Variants in SSBP1 observed in about 807,000 individuals in gnomAD.
The protein encoded by SSBP1 is single stranded DNA binding protein 1, also known as single-stranded DNA-binding protein, mitochondrial.
SSBP1 carries 20 observed loss-of-function variants against 27.0 expected under a neutral mutation model. That is an observed-to-expected ratio of 0.74 (90% confidence interval 0.52 to 1.08). The LOEUF (loss-of-function observed/expected upper bound fraction) is 1.08, where lower values mean the gene tolerates loss of function less well. SSBP1 is among the 50% of genes least tolerant of loss of function. SSBP1 has a pLI of 0.00. For synonymous variants in SSBP1, 59 were observed against 59.3 expected (o/e 1.00, Z 0.02); for missense variants, 137 against 182.4 (o/e 0.75, Z 1.44).
At chr7:141,750,146 T>A (rs894695533) in intron 6 of SSBP1, among the ~76,000 whole-genome samples, 165 bp from the exon 7 acceptor site, 11 of 152,240 alleles carry the variant, frequency 7.2e-5, no homozygotes, top group African/African-American at 2.4e-5. Flanking sequence ...TTATGCCAAC[T>A]GTATATATAC....
chr7:141,740,645 T>C (rs577213341), intron 2 of SSBP1: 69 of 152,364 alleles, frequency 4.5e-4, no homozygotes, highest in African/African-American at 1.2e-3. Flanking sequence ...GCTGCTATTA[T>C]GTGGTAGTGA....
At chr7:141,745,720 A>T in intron 6 of SSBP1, 136 bp downstream of exon 6, 1 of 1,402,500 alleles carries the variant, frequency 7.1e-7, no homozygotes, top group Non-Finnish European at 9.3e-7. Context: ...GATGTCCATA[A>T]CTCTTATTTC....
chr7:141,742,550 C>T (rs1799582844), intron 3 of SSBP1, among the ~76,000 whole-genome samples: 1 of 152,164 alleles, frequency 6.6e-6, no homozygotes. Flanking sequence ...ATTGTTTCTT[C>T]ACAGAAATAT....
At position 141,750,132 on chromosome 7, in the gene SSBP1, C is replaced by T. The variant is rs537517993; in HGVS notation, c.404-179C>T. Among the ~76,000 whole-genome samples the T allele has an allele frequency of 1.6e-4, 24 of 152,308 alleles. 1 individual carries two copies. The highest frequency in any genetic ancestry group is 2.0e-4 in the Admixed American group (3 of 15,300). On this transcript the variant is annotated intron_variant, in intron 6 of 6. Coordinates refer to ENST00000265304, the MANE Select transcript of SSBP1 (RefSeq NM_003143.3). ...AGCAGCCAGTGCCTAACTTGTAGCT[C>T]CACTTATGCCAACTGTATATATACC... is the stretch of plus-strand genomic sequence containing the variant.
intron 4 of SSBP1, 69 bp downstream of exon 4, chr7:141,743,770 A>G (rs1799662257): frequency 6.4e-7 from 1 of 1,557,796 alleles, no homozygotes. Context: ...CCAGTTATCT[A>G]ATTTAGAGAT....
Position 141,742,191 on chromosome 7 carries a change from A to G in SSBP1, c.47A>G (p.His16Arg). 2 of 1,602,972 alleles carry G rather than the reference A, an allele frequency of 1.2e-6. No homozygotes were observed. The highest frequency in any genetic ancestry group is 1.7e-6 in the Non-Finnish European group (2 of 1,170,966). The change falls in exon 3 of 7, where the codon CAT becomes CGT. Residue 16 changes from histidine (H) to arginine (R), a missense_variant. His to Arg is a conservative substitution (Grantham distance 29, BLOSUM62 0). Transcript: ENST00000265304. ...VLQVLRQFVR[H>R]ESETTTSLVL... ...TAGGTACTTCGTCAGTTTGTAAGAC[A>G]TGAGTCCGAAACAACTACCAGTTTG...
At chr7:141,743,472 A>G in intron 3 of SSBP1, 89 bp from the exon 4 acceptor site, 1 of 1,470,824 alleles carries the variant, frequency 6.8e-7, no homozygotes, top group African/African-American at 1.4e-5. Flanking sequence ...ATTGAGGGTT[A>G]GAGCTTCAAC....
chr7:141,747,882 C>T (rs2117194918), intron 6 of SSBP1, among the ~76,000 whole-genome samples: 1 of 149,850 alleles, frequency 6.7e-6, no homozygotes, highest in East Asian at 2.0e-4. Context: ...TCTGTAGTCC[C>T]AGCTACTCAG....
intron 1 of SSBP1, chr7:141,738,878 A>G (rs1377271865): frequency 2.8e-6 from 1 of 351,694 alleles, no homozygotes; most frequent in Admixed American, 4.9e-5. Flanking sequence ...GGATTAACTC[A>G]GAATCAAAAT....
Position 141,739,178 on chromosome 7 carries a change from A to C in SSBP1, c.12A>C (p.Arg4Ser). Residue 4 changes from arginine to serine, a missense_variant, in exon 2 of 7, where the codon AGA becomes AGC. Physicochemically the swap from Arg to Ser is moderately radical, Grantham distance 110 (BLOSUM62 -1). Transcript: ENST00000265304. Reference protein sequence around the residue: MFRRPVLQVLRQFV... With the variant: MFRSPVLQVLRQFV... The stretch of plus-strand genomic sequence containing the variant: ...AGAAAATAGAAGCCATGTTTCGAAG[A>C]CCTGTATTACAGGTAGTCACTTGTC... The C allele has an allele frequency of 6.2e-7, 1 of 1,602,014 alleles. No individual in the cohort carries two copies. The highest frequency in any genetic ancestry group is 8.5e-7 in the Non-Finnish European group (1 of 1,174,848).
In SSBP1 at chr7:141,743,884, C is replaced by G. The variant is rs761839550; in HGVS notation, c.227-18C>G. On this transcript the variant is annotated intron_variant, in intron 4 of 6. Transcript: ENST00000265304. ...GTCTGTTGGCATTTGTAACCAATTT[C>G]CTATTTTTATGATTTAGGTGATGTC... The G allele has an allele frequency of 1.9e-5, 30 of 1,599,954 alleles. No individual in the cohort carries two copies. The highest frequency in any genetic ancestry group is 3.5e-5 in the Admixed American group (2 of 57,392).
In SSBP1 at chr7:141,750,445, T is replaced by C. The variant is rs929506705; in HGVS notation, c.*91T>C. The C allele has an allele frequency of 2.8e-6, 3 of 1,062,760 alleles. No homozygotes were observed. In the African/African-American group the frequency reaches 4.9e-5, roughly 17 times the overall value. The allele number at this position is 1,062,760 out of a possible 1,614,324, so 65.8% of individuals were successfully genotyped here. ...TGGCTTCCAAGGACAAGAATTAAAA[T>C]ACTCTTTTACGTAAAATGAGTAATA... On this transcript the variant is annotated 3_prime_UTR_variant, in exon 7 of 7. Coordinates refer to ENST00000265304, the MANE Select transcript of SSBP1 (RefSeq NM_003143.3).
In SSBP1 at chr7:141,739,093, G is replaced by C. The variant is rs1799405045; in HGVS notation, c.-43-31G>C. On this transcript the variant is annotated intron_variant, in intron 1 of 6. Transcript: ENST00000265304. ...TTGTACTTTTGCCATAAGAGGTAAT[G>C]TTTTTTTCTTATTTTGTTTTTTTCC... is the stretch of plus-strand genomic sequence containing the variant. 2.9e-6 allele frequency: 4 copies of C among 1,380,890 alleles called. No homozygotes were observed. The Admixed American group carries it at 8.8e-5, about 31-fold the overall frequency. 85.5% of individuals were successfully genotyped at this position (1,380,890 alleles called of 1,614,324 possible). A position where few individuals can be genotyped will look rare whatever the true frequency, so the allele number is the denominator to read the frequency against.
intron 5 of SSBP1, among the ~76,000 whole-genome samples, chr7:141,744,593 T>C (rs1799699136): frequency 6.6e-6 from 1 of 152,270 alleles, no homozygotes; most frequent in Admixed American, 6.5e-5. Flanking sequence ...TTAATATGTT[T>C]AGAAATGTAC....
In SSBP1 at chr7:141,739,297, C is replaced by T. The variant is rs959411853; in HGVS notation, c.24+107C>T. The T allele has an allele frequency of 1.1e-5, 9 of 819,356 alleles. No individual in the cohort carries two copies. The South Asian group carries it at 2.2e-4, about 20-fold the overall frequency. The allele number at this position is 819,356 out of a possible 1,614,324, so 50.8% of individuals were successfully genotyped here. A position where few individuals can be genotyped will look rare whatever the true frequency, so the allele number is the denominator to read the frequency against. On this transcript the variant is annotated intron_variant, in intron 2 of 6. Transcript: ENST00000265304. ...AGGGGCAAAAGACCTTTGAGCTCAC[C>T]CACCCACCTCTATACTCATTTGATA... is the stretch of plus-strand genomic sequence containing the variant.
rs1799763534 is a variant in SSBP1 at position 141,745,844 on chromosome 7, C to T, written c.403+260C>T. 25 of 1,180,888 alleles carry T rather than the reference C, an allele frequency of 2.1e-5. 1 individual carries two copies. The South Asian group carries it at 7.4e-4, about 35-fold the overall frequency. The allele number at this position is 1,180,888 out of a possible 1,614,324, so 73.2% of individuals were successfully genotyped here. On this transcript the variant is annotated intron_variant, in intron 6 of 6. Coordinates refer to ENST00000265304, the MANE Select transcript of SSBP1 (RefSeq NM_003143.3). ...AAGCCTAAAACTGAATTATCCATCCCAGTACTTATTGTTGAGAATTACAAA... is the reference window on the plus strand; with the variant it reads ...AAGCCTAAAACTGAATTATCCATCCTAGTACTTATTGTTGAGAATTACAAA...
intron 4 of SSBP1, 58 bp downstream of exon 4, chr7:141,743,759 G>T (rs1299281495): frequency 1.0e-5 from 16 of 1,573,504 alleles, no homozygotes; most frequent in African/African-American, 2.7e-5. Context: ...ATTATTTATT[G>T]CCAGTTATCT....
chr7:141,747,477 C>T (rs1799828329), intron 6 of SSBP1, among the ~76,000 whole-genome samples: 1 of 150,200 alleles, frequency 6.7e-6, no homozygotes, highest in Non-Finnish European at 1.5e-5. Context: ...GCAACCTTCG[C>T]CTCCCGGGTT....
At chr7:141,747,678 G>A (rs111672586) in intron 6 of SSBP1, among the ~76,000 whole-genome samples, 2,124 of 151,072 alleles carry the variant, frequency 0.014, 53 homozygotes, top group African/African-American at 0.049. Flanking sequence ...GTGAGCCACC[G>A]TGCCCGGCTA....
Sources: gnomAD v4.1 joint callset for allele counts (sites outside exome capture counted in the v4.1 genomes callset) on GRCh38, gnomAD v4.1.1 for gene constraint, MANE v1.5 for transcripts, NCBI Gene and HGNC (gene_info 2026-07-23, HGNC 2026-07-21) for gene names.